FYB1: variants seen among roughly 807,000 people sequenced by gnomAD.
The protein encoded by FYB1 is FYN-binding protein 1.
FYB1 carries 41 observed loss-of-function variants against 94.1 expected under a neutral mutation model. That is an observed-to-expected ratio of 0.44 (90% CI 0.34 to 0.57). The LOEUF (loss-of-function observed/expected upper bound fraction) is 0.57. Ranked by LOEUF, FYB1 falls within the 20% of genes least tolerant of loss-of-function variation. FYB1 has a pLI of 0.02. For synonymous variants in FYB1, 367 were observed against 353.2 expected, an observed-to-expected ratio of 1.04 and a Z score of -0.44; for missense variants, 1,050 against 976.8, an observed-to-expected ratio of 1.07 and a Z score of -1.00.
At chr5:39,131,476 T>C (rs942189802) in intron 9 of FYB1, among the ~76,000 whole-genome samples, 5 of 152,220 alleles carry the variant, frequency 3.3e-5, no homozygotes, top group African/African-American at 1.2e-4. Flanking sequence ...GACAATTATA[T>C]AGTACTCATA....
At chr5:39,145,897 A>G (rs1451085571) in intron 3 of FYB1, among the ~76,000 whole-genome samples, 1 of 141,046 alleles carries the variant, frequency 7.1e-6, no homozygotes, top group Non-Finnish European at 1.5e-5. Flanking sequence ...TGGTCCTCCC[A>G]TTCTTTTTTT....
At chr5:39,179,602 G>A (rs960289137) in intron 2 of FYB1, among the ~76,000 whole-genome samples, 2 of 146,884 alleles carry the variant, frequency 1.4e-5, no homozygotes, top group African/African-American at 5.0e-5. Context: ...CTGGAGTGCA[G>A]TGGTGCGATC....
intron 2 of FYB1, among the ~76,000 whole-genome samples, chr5:39,190,068 G>A (rs562059837): frequency 2.0e-5 from 3 of 152,146 alleles, no homozygotes; most frequent in Non-Finnish European, 4.4e-5. Flanking sequence ...ATTTTAAGGA[G>A]CACGGTAACA....
chr5:39,170,236 G>A lies in FYB1; in HGVS notation c.1136-16632C>T, dbSNP rs985614717. ...ATTTTTGCTATATATGATGTTGCTG[G>A]TGGTGGTGTCTTTCCTACTGAGAGC... On this transcript the variant is annotated intron_variant, in intron 2 of 18. Coordinates refer to ENST00000512982, the MANE Select transcript of FYB1 (RefSeq NM_001465.6). The A allele has an allele frequency of 3.5e-5, 33 of 951,916 alleles. No individual in the cohort carries two copies. In the South Asian group the frequency reaches 4.7e-4, roughly 14 times the overall value. 59.0% of individuals were successfully genotyped at this position (951,916 alleles called of 1,614,324 possible).
intron 2 of FYB1, among the ~76,000 whole-genome samples, chr5:39,182,897 T>C (rs1746388698): frequency 6.6e-6 from 1 of 152,236 alleles, no homozygotes; most frequent in African/African-American, 2.4e-5. Flanking sequence ...TCCAAAGTTG[T>C]TCAGAGCAGG....
chr5:39,184,372 A>G (rs962791761), intron 2 of FYB1, among the ~76,000 whole-genome samples: 1 of 152,228 alleles, frequency 6.6e-6, no homozygotes, highest in Non-Finnish European at 1.5e-5. Flanking sequence ...ACTTATCTTA[A>G]TAAAATCAAT....
At chr5:39,223,020 A>G (rs1280803514), upstream of FYB1, among the ~76,000 whole-genome samples, 1 of 152,120 alleles carries the variant, frequency 6.6e-6, no homozygotes, top group East Asian at 1.9e-4. Context: ...CTTAATACCC[A>G]GGTGATGGGT....
chr5:39,134,065 T>G, intron 9 of FYB1, 143 bp downstream of exon 9: 2 of 555,798 alleles, frequency 3.6e-6, no homozygotes, highest in Non-Finnish European at 6.3e-6. Flanking sequence ...CTTTCACCCA[T>G]GTTGGGGTTA....
At chr5:39,192,404 TG>T (rs1747445225) in intron 2 of FYB1, among the ~76,000 whole-genome samples, 1 of 152,222 alleles carries the variant, frequency 6.6e-6, no homozygotes, top group East Asian at 1.9e-4. Context: ...TTGAGGGTAA[TG>T]TATTTCAAAT....
chr5:39,241,562 G>T (rs1436831050), intron 1 of FYB1, among the ~76,000 whole-genome samples: 1 of 152,150 alleles, frequency 6.6e-6, no homozygotes, highest in Non-Finnish European at 1.5e-5. Flanking sequence ...GAAAGGATTA[G>T]GGGGAGTGCA....
At chr5:39,270,924 A>C in intron 1 of FYB1, 1 of 125,146 alleles carries the variant, frequency 8.0e-6, no homozygotes, top group Non-Finnish European at 1.4e-5. Context: ...TTTTGGATAC[A>C]TATGTGTGTG....
chr5:39,218,149 A>C (rs1021651470), intron 1 of FYB1, among the ~76,000 whole-genome samples: 1 of 152,236 alleles, frequency 6.6e-6, no homozygotes, highest in Non-Finnish European at 1.5e-5. Flanking sequence ...AACCTTTACA[A>C]TAATTTCTCA....
At chr5:39,116,528 G>A (rs1418773716) in intron 16 of FYB1, among the ~76,000 whole-genome samples, 1 of 152,158 alleles carries the variant, frequency 6.6e-6, no homozygotes, top group Non-Finnish European at 1.5e-5. Context: ...ATTTGTAATA[G>A]TACTTAGAAT....
chr5:39,180,217 A>G (rs1166918045), intron 2 of FYB1, among the ~76,000 whole-genome samples: 1 of 152,144 alleles, frequency 6.6e-6, no homozygotes. Context: ...TATTTCTATA[A>G]TTTCCTTCTT....
chr5:39,202,304 C>T lies in FYB1; in HGVS notation c.657G>A (p.Val219=), dbSNP rs1748411991. ...SHEDESPMKN[V]SSSKGSPAPL... is the part of the protein sequence containing the mutation. ...GAGCTGGGGACCCTTTTGATGAAGA[C>T]ACATTCTTCATGGGGCTTTCGTCTT... The change falls in exon 2 of 19, where the codon GTG becomes GTA. Residue 219 remains valine, a synonymous_variant. Coordinates refer to ENST00000512982, the MANE Select transcript of FYB1 (RefSeq NM_001465.6). The T allele has an allele frequency of 1.9e-6, 3 of 1,613,818 alleles. No homozygotes were observed. The highest frequency in any genetic ancestry group is 2.2e-5 in the East Asian group (1 of 44,880).
Position 39,107,352 on chromosome 5 carries a change from T to C in FYB1, c.*91A>G. The C allele has an allele frequency of 1.2e-6, 1 of 833,316 alleles. No homozygotes were observed. Among genetic ancestry groups the C allele is most frequent in the Non-Finnish European group, 1.8e-6 (1 of 551,734 alleles). 51.6% of individuals were successfully genotyped at this position (833,316 alleles called of 1,614,324 possible). A position where few individuals can be genotyped will look rare whatever the true frequency, so the allele number is the denominator to read the frequency against. ...AAATGATAATAAGTGGTTTTGTGCA[T>C]TAATTTTCTTGATACCCAATAACAT... On this transcript the variant is annotated 3_prime_UTR_variant, in exon 19 of 19. Transcript: ENST00000512982.
chr5:39,128,672 G>A (rs1740903350), intron 10 of FYB1, among the ~76,000 whole-genome samples: 1 of 152,060 alleles, frequency 6.6e-6, no homozygotes, highest in South Asian at 2.1e-4. Flanking sequence ...AGAAAGAAGT[G>A]GCTTACTCTG....
At chr5:39,138,599 A>T (rs1398275090) in intron 6 of FYB1, 58 bp downstream of exon 6, 3 of 1,081,994 alleles carry the variant, frequency 2.8e-6, no homozygotes, top group African/African-American at 3.2e-5. Flanking sequence ...TCTCCCTCAT[A>T]CAAAACATTA....
chr5:39,131,064 C>T (rs1741162630), intron 9 of FYB1, among the ~76,000 whole-genome samples: 1 of 152,044 alleles, frequency 6.6e-6, no homozygotes, highest in African/African-American at 2.4e-5. Context: ...TAATAGCAGT[C>T]ATTTTTCTTT....
Sources: allele counts gnomAD v4.1 joint callset (sites outside exome capture counted in the v4.1 genomes callset), GRCh38; gene constraint gnomAD v4.1.1; transcripts MANE v1.5; gene names NCBI Gene and HGNC (gene_info 2026-07-23, HGNC 2026-07-21).